Variants in CEP72 observed in about 807,000 individuals in gnomAD.
The protein encoded by CEP72 is centrosomal protein 72, also known as centrosomal protein of 72 kDa.
Under a neutral mutation model 65.7 loss-of-function variants are expected in CEP72, and 78 were observed. That is an observed-to-expected ratio of 1.19 (90% CI 0.99 to 1.43). The LOEUF is 1.43. Among genes scored for constraint, CEP72 ranks in the 40% most tolerant of loss-of-function variants. The probability of loss-of-function intolerance (pLI) is 0.00; values close to 1 mark genes in which losing one functional copy is unlikely to be tolerated. For missense variants in CEP72, 914 were observed against 832.9 expected, an observed-to-expected ratio of 1.10 and a Z score of -1.20; for synonymous variants, 358 against 351.7, an observed-to-expected ratio of 1.02 and a Z score of -0.20.
chr5:644,988 TAAA>T (rs1394375805), intron 10 of CEP72, among the ~76,000 whole-genome samples: 4 of 152,144 alleles, frequency 2.6e-5, no homozygotes, highest in Non-Finnish European at 5.9e-5. Flanking sequence ...ACCTGGATTT[TAAA>T]TAAGGAAATG....
At chr5:675,384 G>GC in the CEP72 span, among the ~76,000 whole-genome samples, 2 of 110,810 alleles carry the variant, frequency 1.8e-5, no homozygotes, top group Non-Finnish European at 3.9e-5. Flanking sequence ...GGGGTGCAGC[G>GC]CAGAGGGTGC....
rs146213502 is a variant in CEP72, at chr5:612,541, G to A, written c.82+98G>A. The A allele has an allele frequency of 8.3e-4, 1,048 of 1,261,596 alleles. 11 individuals are homozygous for A. In the African/African-American group the frequency reaches 0.015, roughly 18 times the overall value. 78.2% of individuals were successfully genotyped at this position (1,261,596 alleles called of 1,614,324 possible). On this transcript the variant is annotated intron_variant, in intron 1 of 11. Coordinates refer to ENST00000264935, the MANE Select transcript of CEP72 (RefSeq NM_018140.4). Reference sequence around the variant, plus strand: ...GGCGGACCGTGGGCAGGCGGGACCCGTCTACGCAGGCGCCGCGGGCGTCCG... The same window carrying A: ...GGCGGACCGTGGGCAGGCGGGACCCATCTACGCAGGCGCCGCGGGCGTCCG...
At chr5:637,384 A>C in intron 6 of CEP72, 133 bp from the exon 7 acceptor site, 2 of 727,304 alleles carry the variant, frequency 2.7e-6, no homozygotes, top group South Asian at 1.8e-5. Context: ...GTGTGCGTGT[A>C]CATATGTAAG....
chr5:670,575 T>C (rs1740184378), downstream of CEP72, among the ~76,000 whole-genome samples: 1 of 151,980 alleles, frequency 6.6e-6, no homozygotes, highest in Admixed American at 6.5e-5. Context: ...GAGGGGGAGC[T>C]TCTGGGGAGG....
In CEP72 at chr5:636,757, C is replaced by G. The variant is rs1737626927; in HGVS notation, c.905-760C>G. The stretch of plus-strand genomic sequence containing the variant: ...CCTGGGAGGTGGAGGTTGCAATGAG[C>G]CTAGATGGCATCACTACACTCCAGC... On this transcript the variant is annotated intron_variant, in intron 6 of 11. Transcript: ENST00000264935. Among the ~76,000 whole-genome samples, 3 of 150,732 alleles carry G rather than the reference C, an allele frequency of 2.0e-5. No individual in the cohort carries two copies. In the South Asian group the frequency reaches 6.3e-4, roughly 32 times the overall value.
At chr5:647,018 C>T (rs80161160) in intron 10 of CEP72, among the ~76,000 whole-genome samples, 4 of 152,338 alleles carry the variant, frequency 2.6e-5, no homozygotes, top group East Asian at 1.9e-4. Flanking sequence ...TGCCGCCCTG[C>T]GCTTCCTTCA....
intron 4 of CEP72, among the ~76,000 whole-genome samples, chr5:628,680 G>GGTTGCC (rs1736959227): frequency 8.5e-6 from 1 of 117,554 alleles, no homozygotes; most frequent in African/African-American, 3.0e-5. Context: ...GGAGAACTCA[G>GGTTGCC]GTCACAGGCC....
intron 7 of CEP72, 22 bp downstream of exon 7, chr5:637,840 A>G: frequency 6.6e-7 from 1 of 1,508,060 alleles, no homozygotes. Flanking sequence ...GCTGGGGAGC[A>G]GCAGGCCCAC....
At chr5:650,377 GGACTGTGAGGTGT>G (rs1465188858) in intron 11 of CEP72, among the ~76,000 whole-genome samples, 7 of 98,920 alleles carry the variant, frequency 7.1e-5, no homozygotes, top group Admixed American at 2.9e-4. Context: ...TGTGAGGCGT[GGACTGTGAGGTGT>G]GACTGTGAGG....
At chr5:628,748 G>A (rs1183236314) in intron 4 of CEP72, among the ~76,000 whole-genome samples, 3 of 143,150 alleles carry the variant, frequency 2.1e-5, no homozygotes, top group African/African-American at 5.2e-5. Flanking sequence ...GAGAACTCAG[G>A]TTGCAGTCCC....
At chr5:670,178 CT>C (rs542132579), downstream of CEP72, among the ~76,000 whole-genome samples, 49 of 152,298 alleles carry the variant, frequency 3.2e-4, no homozygotes, top group East Asian at 8.3e-3. Flanking sequence ...CCTCCGAGGA[CT>C]GAGGCCTGTT....
intron 9 of CEP72, chr5:640,916 AC>A (rs1288418375): frequency 1.0e-6 from 1 of 985,142 alleles, no homozygotes; most frequent in Non-Finnish European, 1.2e-6. Flanking sequence ...TGTCTTGCTG[AC>A]CCATCTCTCA....
chr5:649,143 C>T (rs1229947799), intron 11 of CEP72, among the ~76,000 whole-genome samples: 11 of 115,466 alleles, frequency 9.5e-5, no homozygotes, highest in East Asian at 3.2e-4. Flanking sequence ...GACTGTGAGG[C>T]GTGACTGTGA....
chr5:638,530 C>T (rs914083800), intron 7 of CEP72, among the ~76,000 whole-genome samples: 4 of 148,288 alleles, frequency 2.7e-5, no homozygotes, highest in South Asian at 2.2e-4. Flanking sequence ...GAGGCATGGC[C>T]GGAGCTAGAG....
chr5:658,312 C>G (rs1466038025), downstream of CEP72, among the ~76,000 whole-genome samples: 4 of 152,256 alleles, frequency 2.6e-5, no homozygotes, highest in African/African-American at 9.6e-5. Flanking sequence ...AGCTCCCTAG[C>G]AGGTCATCTC....
chr5:613,915 C>G (rs940108546), intron 1 of CEP72, among the ~76,000 whole-genome samples: 1 of 152,186 alleles, frequency 6.6e-6, no homozygotes, highest in Admixed American at 6.5e-5. Context: ...ACTGTAACCT[C>G]GTGACAAAAT....
At chr5:656,837 A>C (rs990995913), downstream of CEP72, 4 of 152,362 alleles carry the variant, frequency 2.6e-5, no homozygotes, top group South Asian at 8.3e-4. Flanking sequence ...CAGAGTGGGC[A>C]TCGTTGTCTT....
intron 3 of CEP72, among the ~76,000 whole-genome samples, chr5:620,506 AGCCCCG>A (rs1383639118): frequency 6.6e-6 from 1 of 152,210 alleles, no homozygotes; most frequent in Non-Finnish European, 1.5e-5. Flanking sequence ...GTGGGAGCAC[AGCCCCG>A]GACCAGGCTG....
At chr5:665,707 G>A (rs1324479374) in intron 3 of CEP72, among the ~76,000 whole-genome samples, 8 of 70,920 alleles carry the variant, frequency 1.1e-4, no homozygotes, top group African/African-American at 4.0e-4. Context: ...CCCCCTCCCA[G>A]GCCAACTCCC....
Sources: allele counts gnomAD v4.1 joint callset (sites outside exome capture counted in the v4.1 genomes callset), GRCh38; gene constraint gnomAD v4.1.1; transcripts MANE v1.5; gene names NCBI Gene and HGNC (gene_info 2026-07-23, HGNC 2026-07-21).